Variants in PCDHGB1 observed in about 807,000 individuals in gnomAD.
PCDHGB1 encodes the protein protocadherin gamma subfamily B, 1, also known as protocadherin gamma-B1.
A neutral mutation model predicts 56.6 loss-of-function variants in PCDHGB1; 34 were observed. The observed-to-expected ratio is 0.60, with a 90% CI of 0.46 to 0.80. The LOEUF (loss-of-function observed/expected upper bound fraction) is 0.80, where lower values mean the gene tolerates loss of function less well. Ranked by LOEUF, PCDHGB1 falls within the 30% of genes least tolerant of loss-of-function variation. PCDHGB1 has a pLI of 0.00. For synonymous variants in PCDHGB1, 561 were observed against 505.9 expected, an observed-to-expected ratio of 1.11 and a Z score of -1.46; for missense variants, 1,278 against 1,204.6, an observed-to-expected ratio of 1.06 and a Z score of -0.90.
At chr5:141,388,387 A>G (rs746929136) in intron 1 of PCDHGB1, 5 of 1,614,034 alleles carry the variant, frequency 3.1e-6, no homozygotes, top group South Asian at 2.2e-5. Flanking sequence ...AACACACTGC[A>G]GAATTACCAA....
At chr5:141,479,866 A>G (rs1020197891) in intron 1 of PCDHGB1, among the ~76,000 whole-genome samples, 2 of 152,204 alleles carry the variant, frequency 1.3e-5, no homozygotes, top group African/African-American at 2.4e-5. Context: ...TTTGCCCTGG[A>G]GAGAACCCTA....
intron 1 of PCDHGB1, chr5:141,426,867 G>C (rs1436078091): frequency 2.2e-6 from 1 of 456,590 alleles, no homozygotes; most frequent in African/African-American, 2.0e-5. Flanking sequence ...ATTAGTGCTG[G>C]AGAAGCCCCT....
At chr5:141,450,826 A>C (rs965147554) in intron 1 of PCDHGB1, among the ~76,000 whole-genome samples, 1 of 134,302 alleles carries the variant, frequency 7.4e-6, no homozygotes, top group African/African-American at 2.9e-5. Context: ...TATTATTATT[A>C]TTATTTTTTT....
At chr5:141,355,660 C>T in intron 1 of PCDHGB1, 1 of 1,614,014 alleles carries the variant, frequency 6.2e-7, no homozygotes, top group Non-Finnish European at 8.5e-7. Flanking sequence ...AAGATTTCCT[C>T]TTCCTGAAGC....
At chr5:141,409,960 C>T (rs1182396334) in intron 1 of PCDHGB1, 1 of 1,613,416 alleles carries the variant, frequency 6.2e-7, no homozygotes. Context: ...AGCCCGGCTA[C>T]CTAGTGACTA....
chr5:141,500,467 C>T lies in PCDHGB1; in HGVS notation c.2469-4926C>T, dbSNP rs368360639. 6.6e-5 allele frequency among the ~76,000 whole-genome samples: 10 copies of T among 152,262 alleles called. No homozygotes were observed. In the South Asian group the frequency reaches 2.1e-3, roughly 32 times the overall value. ...CTCGTGATCCGCCCGCCTCGGCCTC[C>T]CAAAGTGCTGGGATTACAGGCGTGA... is the stretch of plus-strand genomic sequence containing the variant. On this transcript the variant is annotated intron_variant, in intron 2 of 3. Coordinates refer to ENST00000523390, the MANE Select transcript of PCDHGB1 (RefSeq NM_018922.3).
intron 1 of PCDHGB1, chr5:141,393,203 C>T (rs988866288): frequency 6.2e-7 from 1 of 1,613,514 alleles, no homozygotes; most frequent in Admixed American, 1.7e-5. Context: ...ACGATAATAA[C>T]CCAAAATTCC....
chr5:141,494,323 A>T (rs1188768690), intron 1 of PCDHGB1, among the ~76,000 whole-genome samples: 1 of 152,210 alleles, frequency 6.6e-6, no homozygotes, highest in Non-Finnish European at 1.5e-5. Flanking sequence ...CCTGGCACCA[A>T]AAGGGTTACC....
intron 1 of PCDHGB1, chr5:141,426,945 A>G: frequency 8.8e-6 from 4 of 456,724 alleles, no homozygotes; most frequent in Non-Finnish European, 1.8e-5. Context: ...CCCAGTCCCA[A>G]CTGGCACTGC....
intron 1 of PCDHGB1, chr5:141,364,409 G>A: frequency 6.2e-7 from 1 of 1,611,256 alleles, no homozygotes; most frequent in Non-Finnish European, 8.5e-7. Flanking sequence ...GTGCGAGCCA[G>A]GATCCGGGCA....
At chr5:141,390,019 G>GCCTGCGAC (rs1380063948) in intron 1 of PCDHGB1, 1 of 1,614,002 alleles carries the variant, frequency 6.2e-7, no homozygotes. Context: ...ATTGCCTTGC[G>GCCTGCGAC]CCTGCGACGC....
At chr5:141,408,566 G>A (rs779048929) in intron 1 of PCDHGB1, 2 of 1,613,912 alleles carry the variant, frequency 1.2e-6, no homozygotes, top group East Asian at 4.5e-5. Flanking sequence ...TGTCATTGTG[G>A]TGATTGAGGA....
In PCDHGB1 at chr5:141,398,847, G is replaced by A. The variant is rs773663002; in HGVS notation, c.2409+46178G>A. On this transcript the variant is annotated intron_variant, in intron 1 of 3. Coordinates refer to ENST00000523390, the MANE Select transcript of PCDHGB1 (RefSeq NM_018922.3). Reference sequence around the variant, plus strand: ...TAACCGACGCCAATGATAATCCCCCGGTATTCAACCGAGACGTGTACAGAG... The same window carrying A: ...TAACCGACGCCAATGATAATCCCCCAGTATTCAACCGAGACGTGTACAGAG... The A allele has an allele frequency of 2.5e-6, 4 of 1,613,758 alleles. No homozygotes were observed. In the African/African-American group the frequency reaches 5.3e-5, roughly 22 times the overall value.
chr5:141,489,112 A>C lies in PCDHGB1; in HGVS notation c.2410-5695A>C. 3 of 412,420 alleles carry C rather than the reference A, an allele frequency of 7.3e-6. No individual in the cohort carries two copies. Among genetic ancestry groups the C allele is most frequent in the South Asian group, 4.2e-5 (1 of 23,838 alleles). The allele number at this position is 412,420 out of a possible 1,614,324, so 25.5% of individuals were successfully genotyped here. ...TGACTAAGAACTGCTGCAAGCAGGC[A>C]AACCTCCGAGCAGTTTTTAAGAGGC... is the stretch of plus-strand genomic sequence containing the variant. On this transcript the variant is annotated intron_variant, in intron 1 of 3. Coordinates refer to ENST00000523390, the MANE Select transcript of PCDHGB1 (RefSeq NM_018922.3). The surrounding 1 kb of genome is among the most constrained non-coding windows in gnomAD (Gnocchi z 4.5).
chr5:141,423,006 T>A, intron 1 of PCDHGB1: 2 of 1,614,198 alleles, frequency 1.2e-6, no homozygotes, highest in Non-Finnish European at 1.7e-6. Context: ...CCAAGGTGGT[T>A]GCGGTGGACA....
At chr5:141,479,671 G>A (rs1484965995) in intron 1 of PCDHGB1, 1 of 152,196 alleles carries the variant, frequency 6.6e-6, no homozygotes, top group Non-Finnish European at 1.5e-5. Flanking sequence ...AACTACAAAA[G>A]GAGAGTCTTT....
chr5:141,459,090 A>G (rs769066156), intron 1 of PCDHGB1, among the ~76,000 whole-genome samples: 4 of 152,218 alleles, frequency 2.6e-5, no homozygotes, highest in Non-Finnish European at 4.4e-5. Flanking sequence ...TTAAAATTAT[A>G]CAGTGCAATG....
Position 141,485,063 on chromosome 5 carries a change from A to C in PCDHGB1, c.2410-9744A>C. On this transcript the variant is annotated intron_variant, in intron 1 of 3. Transcript: ENST00000523390. This position sits in a 1 kb window ranked among gnomAD's most constrained non-coding sequence, Gnocchi z 5.7. ...CTTGCGGCGCCGGCCGAACCGCGCC[A>C]GAGCTGGCGCGGGGAAAGGGAGATA... is the stretch of plus-strand genomic sequence containing the variant. 2 of 874,986 alleles carry C rather than the reference A, an allele frequency of 2.3e-6. No individual in the cohort carries two copies. Among genetic ancestry groups the C allele is most frequent in the Non-Finnish European group, 3.6e-6 (2 of 551,278 alleles). 54.2% of individuals were successfully genotyped at this position (874,986 alleles called of 1,614,324 possible).
chr5:141,354,600 A>T (rs1759588601), intron 1 of PCDHGB1, among the ~76,000 whole-genome samples: 1 of 152,218 alleles, frequency 6.6e-6, no homozygotes, highest in African/African-American at 2.4e-5. Flanking sequence ...CCAGACCTCC[A>T]AGTTCCTGTC....
Sources: gnomAD v4.1 joint callset for allele counts (sites outside exome capture counted in the v4.1 genomes callset) on GRCh38, gnomAD v4.1.1 for gene constraint, Gnocchi (gnomAD v3.1) non-coding constraint, MANE v1.5 for transcripts, NCBI Gene and HGNC (gene_info 2026-07-23, HGNC 2026-07-21) for gene names.